Variants in ZNF254 observed in about 807,000 individuals in gnomAD.
The protein encoded by ZNF254 is zinc finger protein 254, also known as CTD-2017D11.1.
A neutral mutation model predicts 12.4 loss-of-function variants in ZNF254; 10 were observed. The observed-to-expected ratio is 0.80, with a 90% confidence interval of 0.50 to 1.36. The LOEUF (loss-of-function observed/expected upper bound fraction) is 1.36. Ranked by LOEUF, ZNF254 falls within the 40% of genes most tolerant of loss-of-function variation. ZNF254 has a pLI of 0.00. For missense variants in ZNF254, 996 were observed against 763.9 expected (o/e 1.30, Z -3.58); for synonymous variants, 305 against 253.4 (o/e 1.20, Z -1.93).
rs541055733 is a variant in ZNF254, at chr19:24,116,065, A to C, written c.253+9422A>C. ...TTGTAGAGTTTCTGCCGAGAGGTCC[A>C]CTCTTAGTCCGATGGGCTTCCCTTT... is the stretch of plus-strand genomic sequence containing the variant. On this transcript the variant is annotated intron_variant, in intron 3 of 3. Transcript: ENST00000357002. Among the ~76,000 whole-genome samples, 21 of 152,006 alleles carry C rather than the reference A, an allele frequency of 1.4e-4. 1 individual carries two copies. The South Asian group carries it at 4.4e-3, about 32-fold the overall frequency.
intron 2 of ZNF254, among the ~76,000 whole-genome samples, chr19:24,081,644 T>C (rs1253534109): frequency 6.6e-6 from 1 of 152,164 alleles, no homozygotes; most frequent in African/African-American, 2.4e-5. Context: ...GTTTACCTCC[T>C]CCTTTAGTAA....
intron 1 of ZNF254, chr19:24,098,372 T>C (rs981260202): frequency 3.3e-5 from 5 of 152,248 alleles, no homozygotes; most frequent in African/African-American, 1.2e-4. Context: ...TAAGCTATGT[T>C]GTAGGCTCGC....
At chr19:24,087,440 A>C in intron 1 of ZNF254, 103 bp downstream of exon 1, 1 of 1,468,744 alleles carries the variant, frequency 6.8e-7, no homozygotes, top group Non-Finnish European at 9.5e-7. Context: ...TCAGCTCCAC[A>C]ATCTGCGCCC....
chr19:24,089,362 AAAG>A (rs1972229581), intron 1 of ZNF254, among the ~76,000 whole-genome samples: 1 of 152,230 alleles, frequency 6.6e-6, no homozygotes, highest in Non-Finnish European at 1.5e-5. Context: ...AGAAGAAAGC[AAAG>A]AATAATCTCC....
At chr19:24,056,640 ACT>A (rs1970867774) in intron 2 of ZNF254, among the ~76,000 whole-genome samples, 2 of 150,550 alleles carry the variant, frequency 1.3e-5, no homozygotes, top group Admixed American at 6.6e-5. Context: ...ATTTGATGTG[ACT>A]CTCCTTTTCT....
At chr19:24,097,734 T>G (rs866130884) in intron 1 of ZNF254, among the ~76,000 whole-genome samples, 1 of 151,726 alleles carries the variant, frequency 6.6e-6, no homozygotes, top group African/African-American at 2.4e-5. Flanking sequence ...TAAGCTGAGA[T>G]CATGTCATTG....
chr19:24,052,720 T>C (rs1484374316), intron 2 of ZNF254, among the ~76,000 whole-genome samples: 1 of 152,170 alleles, frequency 6.6e-6, no homozygotes, highest in Non-Finnish European at 1.5e-5. Context: ...CCCTTAGAGA[T>C]GATTGTGACA....
intron 1 of ZNF254, among the ~76,000 whole-genome samples, chr19:24,045,489 G>C (rs1157582170): frequency 6.6e-6 from 1 of 151,900 alleles, no homozygotes; most frequent in African/African-American, 2.4e-5. Context: ...CTAACATGGT[G>C]AAACCCCGTC....
intron 2 of ZNF254, among the ~76,000 whole-genome samples, chr19:24,072,567 C>A (rs1444980414): frequency 6.6e-6 from 1 of 152,190 alleles, no homozygotes; most frequent in African/African-American, 2.4e-5. Flanking sequence ...GGGCCCTGCC[C>A]ACAAGAGGCC....
Position 24,106,555 on chromosome 19 carries a change from T to TA in ZNF254, c.165_166insA (p.Val56SerfsTer3), listed in dbSNP as rs1369145076. ...TTATTTTTAATAAAACAGGTATTGC[T>TA]GTCTCTAAGCCAGACCTGATCACCT... On this transcript the variant is annotated frameshift_variant, in exon 3 of 4. Transcript: ENST00000357002. LOFTEE classifies it high-confidence loss of function. 6.3e-7 allele frequency: 1 copy of TA among 1,579,938 alleles called. No individual in the cohort carries two copies. The highest frequency in any genetic ancestry group is 1.1e-5 in the South Asian group (1 of 90,624).
intron 1 of ZNF254, among the ~76,000 whole-genome samples, chr19:24,045,175 C>CA (rs1970331682): frequency 6.6e-6 from 1 of 152,154 alleles, no homozygotes; most frequent in Non-Finnish European, 1.5e-5. Flanking sequence ...GATACTGAGG[C>CA]AAGCTGTACC....
chr19:24,122,141 C>T (rs1347654601), intron 3 of ZNF254, among the ~76,000 whole-genome samples: 1 of 152,168 alleles, frequency 6.6e-6, no homozygotes, highest in Non-Finnish European at 1.5e-5. Context: ...CACTAATTAT[C>T]TTGACATTGT....
Position 24,048,029 on chromosome 19 carries a change from G to A in ZNF254, c.-94+1750G>A, listed in dbSNP as rs568451996. Among the ~76,000 whole-genome samples the A allele has an allele frequency of 2.5e-4, 11 of 43,792 alleles. No homozygotes were observed. In the South Asian group the frequency reaches 5.6e-3, roughly 22 times the overall value. The allele number at this position is 43,792 out of a possible 152,430, so 28.7% of individuals were successfully genotyped here. On this transcript the variant is annotated intron_variant, in intron 2 of 4. Transcript: ENST00000613065. ...TTTTTTTTTTTTTTTTTTTTTTTGC[G>A]TTAGTCTCGCTCTGTCACCCAGAGG...
intron 2 of ZNF254, among the ~76,000 whole-genome samples, chr19:24,049,222 T>A (rs1420083946): frequency 6.1e-5 from 8 of 130,704 alleles, no homozygotes; most frequent in South Asian, 2.4e-4. Flanking sequence ...ATATTTTTTT[T>A]TTTTTTTTAA....
chr19:24,101,313 G>C (rs1333647409), intron 1 of ZNF254, among the ~76,000 whole-genome samples: 2 of 152,126 alleles, frequency 1.3e-5, no homozygotes, highest in African/African-American at 4.8e-5. Context: ...TATAAAACAG[G>C]GTCCTACTTT....
chr19:24,106,992 A>G lies in ZNF254; in HGVS notation c.253+349A>G, dbSNP rs2145818894. On this transcript the variant is annotated intron_variant, in intron 3 of 3. Transcript: ENST00000357002. Reference sequence around the variant, plus strand: ...ATACTGTATGTTAAACTGTTTTTTAAGTTCTCTTTTTGCATCATGTCTGAA... The same window carrying G: ...ATACTGTATGTTAAACTGTTTTTTAGGTTCTCTTTTTGCATCATGTCTGAA... 4 of 445,030 alleles carry G rather than the reference A, an allele frequency of 9.0e-6. No individual in the cohort carries two copies. The East Asian group carries it at 1.4e-4, about 16-fold the overall frequency. The allele number at this position is 445,030 out of a possible 1,614,324, so 27.6% of individuals were successfully genotyped here. A position where few individuals can be genotyped will look rare whatever the true frequency, so the allele number is the denominator to read the frequency against.
At chr19:24,087,424 C>T in intron 1 of ZNF254, 87 bp downstream of exon 1, 1 of 1,548,758 alleles carries the variant, frequency 6.5e-7, no homozygotes, top group Non-Finnish European at 8.9e-7. Flanking sequence ...TCAGGCCTCC[C>T]CCCAGTCAGC....
At chr19:24,061,088 C>T (rs576518435) in intron 2 of ZNF254, among the ~76,000 whole-genome samples, 11 of 152,296 alleles carry the variant, frequency 7.2e-5, no homozygotes, top group African/African-American at 2.6e-4. Context: ...GGGGCTGACA[C>T]CTAGGTGAAG....
intron 1 of ZNF254, among the ~76,000 whole-genome samples, chr19:24,037,956 G>A (rs1970027890): frequency 6.6e-6 from 1 of 151,958 alleles, no homozygotes; most frequent in Non-Finnish European, 1.5e-5. Context: ...CATGTTGACT[G>A]GGCTGGTCTC....
Sources: allele counts gnomAD v4.1 joint callset (sites outside exome capture counted in the v4.1 genomes callset), GRCh38; gene constraint gnomAD v4.1.1; transcripts MANE v1.5; gene names NCBI Gene and HGNC (gene_info 2026-07-23, HGNC 2026-07-21).